The following AGAP1 variants were observed in gnomAD, a reference collection of about 807,000 sequenced individuals.
AGAP1 encodes arf-GAP with GTPase, ANK repeat and PH domain-containing protein 1.
A neutral mutation model predicts 105.3 loss-of-function variants in AGAP1; 29 were observed. The observed-to-expected ratio is 0.28, with a 90% CI of 0.21 to 0.38. The LOEUF (loss-of-function observed/expected upper bound fraction) is 0.38. Ranked by LOEUF, AGAP1 falls within the 10% of genes least tolerant of loss-of-function variation. AGAP1 has a pLI of 1.00. For missense variants in AGAP1, 998 were observed against 1,165.1 expected, an observed-to-expected ratio of 0.86 and a Z score of 2.09; for synonymous variants, 509 against 485.9, an observed-to-expected ratio of 1.05 and a Z score of -0.63.
chr2:235,959,647 C>T lies in AGAP1; in HGVS notation c.1484-8815C>T, dbSNP rs1365442155. ...CGACTTCTGTCTCCTGCCACGGCCCCCCTCAATTCACATCCTAATTCACCC... is the reference window on the plus strand; with the variant it reads ...CGACTTCTGTCTCCTGCCACGGCCCTCCTCAATTCACATCCTAATTCACCC... On this transcript the variant is annotated intron_variant, in intron 12 of 17. Coordinates refer to ENST00000304032, the MANE Select transcript of AGAP1 (RefSeq NM_001037131.3). This position sits in a 1 kb window ranked among gnomAD's most constrained non-coding sequence, Gnocchi z 7.3. Among the ~76,000 whole-genome samples the T allele has an allele frequency of 3.3e-5, 5 of 152,172 alleles. 1 individual carries two copies. In the South Asian group the frequency reaches 1.0e-3, roughly 32 times the overall value.
chr2:235,553,372 A>C lies in AGAP1; in HGVS notation c.163+58523A>C, dbSNP rs927969632. Among the ~76,000 whole-genome samples, 1 of 152,030 alleles carries C rather than the reference A, an allele frequency of 6.6e-6. No homozygotes were observed. Among genetic ancestry groups the C allele is most frequent in the Non-Finnish European group, 1.5e-5 (1 of 68,012 alleles). The stretch of plus-strand genomic sequence containing the variant: ...TTGGTCAGGTCACGATGTTCCTGTG[A>C]ATTTTTAATAAAACATAGTTGTTTA... On this transcript the variant is annotated intron_variant, in intron 1 of 17. Transcript: ENST00000304032. The surrounding 1 kb of genome is among the most constrained non-coding windows in gnomAD (Gnocchi z 4.5).
At chr2:235,718,668 A>C (rs1164620002) in intron 3 of AGAP1, among the ~76,000 whole-genome samples, 3 of 152,206 alleles carry the variant, frequency 2.0e-5, no homozygotes, top group African/African-American at 7.2e-5. Flanking sequence ...AGAAGTATAA[A>C]AGTGGCTTGA....
Position 235,601,577 on chromosome 2 carries a change from T to A in AGAP1, c.163+106728T>A, listed in dbSNP as rs184618735. 1.8e-3 allele frequency among the ~76,000 whole-genome samples: 269 copies of A among 152,246 alleles called. 2 individuals are homozygous for A. The highest frequency in any genetic ancestry group is 6.3e-3 in the African/African-American group (260 of 41,536). On this transcript the variant is annotated intron_variant, in intron 1 of 17. Transcript: ENST00000304032. This position sits in a 1 kb window ranked among gnomAD's most constrained non-coding sequence, Gnocchi z 4.4. ...ATAAAACCATCAGATCTTGTGAGAC[T>A]TATTTTCTACCACAGAACAGAATAG...
At chr2:235,563,536 G>T (rs569453161) in intron 1 of AGAP1, among the ~76,000 whole-genome samples, 82 of 146,682 alleles carry the variant, frequency 5.6e-4, no homozygotes, top group African/African-American at 2.0e-3. Flanking sequence ...TATTTTTACA[G>T]TCAGACAGGA....
intron 9 of AGAP1, among the ~76,000 whole-genome samples, chr2:235,881,943 T>G (rs2050044019): frequency 6.6e-6 from 1 of 152,178 alleles, no homozygotes; most frequent in African/African-American, 2.4e-5. Context: ...GGAATTTTGG[T>G]TTTAATAAAA....
chr2:236,092,613 C>T lies in AGAP1; in HGVS notation c.2115-27579C>T, dbSNP rs945156827. Reference sequence around the variant, plus strand: ...TTCACCGTGTTAGCCAGGATGGTCTCGATCTCCTGACCTCATGATCCACCC... The same window carrying T: ...TTCACCGTGTTAGCCAGGATGGTCTTGATCTCCTGACCTCATGATCCACCC... On this transcript the variant is annotated intron_variant, in intron 16 of 17. Transcript: ENST00000304032. The surrounding 1 kb of genome is among the most constrained non-coding windows in gnomAD (Gnocchi z 4.7). Among the ~76,000 whole-genome samples the T allele has an allele frequency of 1.7e-4, 26 of 152,300 alleles. No individual in the cohort carries two copies. The highest frequency in any genetic ancestry group is 5.5e-4 in the African/African-American group (23 of 41,574).
At position 235,818,895 on chromosome 2, in the gene AGAP1, A is replaced by G. The variant is rs140244207; in HGVS notation, c.1050+11564A>G. Among the ~76,000 whole-genome samples the G allele has an allele frequency of 1.4e-4, 22 of 152,062 alleles. No homozygotes were observed. The East Asian group carries it at 4.1e-3, about 29-fold the overall frequency. On this transcript the variant is annotated intron_variant, in intron 9 of 17. Transcript: ENST00000304032. The stretch of plus-strand genomic sequence containing the variant: ...GGCCCATGGCCATCTTTTCTGTGCA[A>G]GATCAAGCATCAAGTACACAGTGTA...
At chr2:235,643,431 CAAAAAAAAAAA>C (rs56146940) in intron 1 of AGAP1, among the ~76,000 whole-genome samples, 78 of 61,424 alleles carry the variant, frequency 1.3e-3, no homozygotes, top group Admixed American at 2.8e-3. Context: ...GACTGGGTCT[CAAAAAAAAAAA>C]AAAAAAAAAA....
Position 235,597,048 on chromosome 2 carries a change from C to T in AGAP1, c.163+102199C>T, listed in dbSNP as rs181255002. Among the ~76,000 whole-genome samples the T allele has an allele frequency of 4.7e-4, 72 of 152,286 alleles. 1 individual carries two copies. In the East Asian group the frequency reaches 8.7e-3, roughly 18 times the overall value. The stretch of plus-strand genomic sequence containing the variant: ...ACGTGTGTTGTTGAAGTGCCTCTGC[C>T]GGTGGTCTTTGTGATAGCAGCCCCA... On this transcript the variant is annotated intron_variant, in intron 1 of 17. Coordinates refer to ENST00000304032, the MANE Select transcript of AGAP1 (RefSeq NM_001037131.3).
At chr2:235,706,388 C>A (rs1380581671) in intron 1 of AGAP1, among the ~76,000 whole-genome samples, 1 of 148,348 alleles carries the variant, frequency 6.7e-6, no homozygotes, top group African/African-American at 2.6e-5. Context: ...CCACGCCCGG[C>A]TAATTTTTTT....
intron 1 of AGAP1, among the ~76,000 whole-genome samples, chr2:235,699,069 T>C (rs1237470597): frequency 1.5e-4 from 21 of 140,452 alleles, no homozygotes; most frequent in South Asian, 2.5e-4. Context: ...GCATCAGACA[T>C]CCCCCCCCCC....
chr2:235,637,977 A>G (rs1033483545), intron 1 of AGAP1, among the ~76,000 whole-genome samples: 5 of 152,118 alleles, frequency 3.3e-5, no homozygotes, highest in African/African-American at 9.7e-5. Flanking sequence ...TGCCCTCTGC[A>G]TGGGTGAGGC....
intron 1 of AGAP1, among the ~76,000 whole-genome samples, chr2:235,528,005 C>T (rs6727987): frequency 0.27 from 40,857 of 152,092 alleles, 7,096 homozygotes; most frequent in African/African-American, 0.5. Flanking sequence ...ACATGTAAGT[C>T]GCTTCTCAGT....
rs1317929440 is a variant in AGAP1, at chr2:235,960,352, C to T, written c.1484-8110C>T. ...AACCCTGTGTCCTCTGAAAAGCTTG[C>T]CTCCTTCTCCCCGCAGTGGCCAGGA... is the stretch of plus-strand genomic sequence containing the variant. On this transcript the variant is annotated intron_variant, in intron 12 of 17. Transcript: ENST00000304032. The surrounding 1 kb of genome is among the most constrained non-coding windows in gnomAD (Gnocchi z 4.9). Among the ~76,000 whole-genome samples the T allele has an allele frequency of 6.6e-6, 1 of 152,156 alleles. No homozygotes were observed. Among genetic ancestry groups the T allele is most frequent in the Non-Finnish European group, 1.5e-5 (1 of 68,050 alleles).
intron 16 of AGAP1, among the ~76,000 whole-genome samples, chr2:236,077,211 G>A (rs1328295801): frequency 1.4e-5 from 2 of 146,888 alleles, no homozygotes; most frequent in Admixed American, 6.9e-5. Context: ...CATATTACAT[G>A]TAGTCTTCCT....
At chr2:235,854,524 C>T (rs571304457) in intron 9 of AGAP1, among the ~76,000 whole-genome samples, 3 of 152,352 alleles carry the variant, frequency 2.0e-5, no homozygotes, top group Non-Finnish European at 4.4e-5. Flanking sequence ...GCCTCAGCTG[C>T]TATTGTGGCT....
At chr2:235,884,656 G>A (rs1445791268) in intron 10 of AGAP1, among the ~76,000 whole-genome samples, 2 of 152,000 alleles carry the variant, frequency 1.3e-5, no homozygotes, top group Admixed American at 1.3e-4. Flanking sequence ...GTTTCACCAT[G>A]TTGGCCAGGC....
chr2:236,018,423 C>G (rs1559196123), intron 13 of AGAP1, among the ~76,000 whole-genome samples: 1 of 152,204 alleles, frequency 6.6e-6, no homozygotes, highest in African/African-American at 2.4e-5. Flanking sequence ...GGAGGGAGGC[C>G]TCTTCGCTGC....
chr2:235,775,412 G>A (rs575699543), intron 6 of AGAP1, among the ~76,000 whole-genome samples: 20 of 152,296 alleles, frequency 1.3e-4, no homozygotes, highest in African/African-American at 4.6e-4. Flanking sequence ...TAAATCATAG[G>A]TGTAATGACG....
Sources: gnomAD v4.1 joint callset for allele counts (sites outside exome capture counted in the v4.1 genomes callset) on GRCh38, gnomAD v4.1.1 for gene constraint, Gnocchi (gnomAD v3.1) non-coding constraint, MANE v1.5 for transcripts, NCBI Gene and HGNC (gene_info 2026-07-23, HGNC 2026-07-21) for gene names.